The following PTPRG variants were observed in gnomAD, a reference collection of about 807,000 sequenced individuals.
The protein encoded by PTPRG is receptor-type tyrosine-protein phosphatase gamma.
In PTPRG, 102 loss-of-function variants were observed where a neutral mutation model predicts 165.3. The observed-to-expected ratio is 0.62, with a 90% CI of 0.53 to 0.73. PTPRG has a LOEUF of 0.73. PTPRG is among the 30% of genes least tolerant of loss of function. PTPRG has a pLI of 0.00. For missense variants in PTPRG, 1,866 were observed against 1,861.4 expected (o/e 1.00, Z -0.05); for synonymous variants, 675 against 669.5 (o/e 1.01, Z -0.13).
chr3:61,836,072 A>AAT lies in PTPRG; in HGVS notation c.190+87104_190+87105dup, dbSNP rs1553679116. On this transcript the variant is annotated intron_variant, in intron 2 of 29. Transcript: ENST00000474889. The stretch of plus-strand genomic sequence containing the variant: ...CGCGCCCCCCCCCACCAAAAAAAAA[A>AAT]ATATATATATATATACACACACACA... Among the ~76,000 whole-genome samples, 109 of 138,646 alleles carry AAT rather than the reference A, an allele frequency of 7.9e-4. 2 individuals are homozygous for AAT. In the East Asian group the frequency reaches 0.011, roughly 14 times the overall value. 91.0% of individuals were successfully genotyped at this position (138,646 alleles called of 152,430 possible).
intron 1 of PTPRG, among the ~76,000 whole-genome samples, chr3:61,688,084 A>C (rs1424358770): frequency 6.6e-6 from 1 of 152,282 alleles, no homozygotes; most frequent in African/African-American, 2.4e-5. Flanking sequence ...GGCTGACATC[A>C]CTTTCATGAC....
intron 1 of PTPRG, among the ~76,000 whole-genome samples, chr3:61,670,751 G>A (rs529232551): frequency 3.3e-5 from 5 of 152,266 alleles, no homozygotes; most frequent in South Asian, 4.2e-4. Context: ...TTCACAACAC[G>A]GGGAATTTGT....
intron 4 of PTPRG, among the ~76,000 whole-genome samples, chr3:62,014,761 T>C (rs1317360578): frequency 2.0e-5 from 3 of 152,216 alleles, no homozygotes; most frequent in African/African-American, 7.2e-5. Context: ...CATCATTCTT[T>C]GTGTCATTTA....
chr3:61,857,556 CGAT>C (rs1341059750), intron 2 of PTPRG, among the ~76,000 whole-genome samples: 1 of 152,052 alleles, frequency 6.6e-6, no homozygotes, highest in African/African-American at 2.4e-5. Flanking sequence ...GAGTGTGACT[CGAT>C]AATTATTTTA....
At position 62,195,412 on chromosome 3, in the gene PTPRG, C is replaced by G. The variant is rs1207428224; in HGVS notation, c.1327+242C>G. On this transcript the variant is annotated intron_variant, in intron 10 of 29. Transcript: ENST00000474889. This position sits in a 1 kb window ranked among gnomAD's most constrained non-coding sequence, Gnocchi z 4.4. The stretch of plus-strand genomic sequence containing the variant: ...TGATTGTTTTATTGTTATTTTCCAA[C>G]TGTGGGGAACCAAGTACTCGGGCCT... Among the ~76,000 whole-genome samples, 4 of 152,162 alleles carry G rather than the reference C, an allele frequency of 2.6e-5. No homozygotes were observed. Among genetic ancestry groups the G allele is most frequent in the Non-Finnish European group, 1.5e-5 (1 of 68,032 alleles).
At chr3:62,109,831 T>C (rs1358767394) in intron 5 of PTPRG, among the ~76,000 whole-genome samples, 1 of 152,184 alleles carries the variant, frequency 6.6e-6, no homozygotes, top group Non-Finnish European at 1.5e-5. Flanking sequence ...GGTAAATTTT[T>C]CCACAACCCA....
chr3:62,077,413 A>G (rs1701424289), intron 4 of PTPRG, among the ~76,000 whole-genome samples: 1 of 152,084 alleles, frequency 6.6e-6, no homozygotes, highest in African/African-American at 2.4e-5. Context: ...CTGAAGCACT[A>G]TTTTCTCATC....
chr3:62,260,052 A>G (rs561312019), intron 16 of PTPRG, among the ~76,000 whole-genome samples: 5 of 152,250 alleles, frequency 3.3e-5, no homozygotes, highest in South Asian at 2.1e-4. Context: ...TGAGCAGGAG[A>G]GAGTAGGGGC....
In PTPRG at chr3:62,245,292, A is replaced by G. The variant is rs537779333; in HGVS notation, c.2467+1394A>G. Among the ~76,000 whole-genome samples the G allele has an allele frequency of 2.4e-4, 37 of 152,320 alleles. No homozygotes were observed. Among genetic ancestry groups the G allele is most frequent in the African/African-American group, 8.7e-4 (36 of 41,572 alleles). ...TAGACAGGAATCATCAGTCTTCATCAGCATGAAATAAGTAGTTTCATTGAA... is the reference window on the plus strand; with the variant it reads ...TAGACAGGAATCATCAGTCTTCATCGGCATGAAATAAGTAGTTTCATTGAA... On this transcript the variant is annotated intron_variant, in intron 15 of 29. Transcript: ENST00000474889. This position sits in a 1 kb window ranked among gnomAD's most constrained non-coding sequence, Gnocchi z 4.2.
intron 2 of PTPRG, among the ~76,000 whole-genome samples, chr3:61,767,370 C>T (rs2034059204): frequency 6.6e-6 from 1 of 150,614 alleles, no homozygotes; most frequent in South Asian, 2.1e-4. Flanking sequence ...ATGATGATTT[C>T]CTTGTAGTAA....
intron 28 of PTPRG, among the ~76,000 whole-genome samples, chr3:62,284,821 T>C (rs528813664): frequency 1.3e-5 from 2 of 152,278 alleles, no homozygotes; most frequent in South Asian, 4.1e-4. Flanking sequence ...GTGCCATCGA[T>C]TCTTTCAGTA....
rs1247080695 is a variant in PTPRG at position 62,282,875 on chromosome 3, T to G, written c.4055+6T>G. The G allele has an allele frequency of 6.3e-7, 1 of 1,589,228 alleles. No individual in the cohort carries two copies. The highest frequency in any genetic ancestry group is 8.5e-7 in the Non-Finnish European group (1 of 1,169,908). Reference sequence around the variant, plus strand: ...CCCACCATTGTTCATGATGAGTATGTATCTGTTTCTTAATTTTAAAATGTA... The same window carrying G: ...CCCACCATTGTTCATGATGAGTATGGATCTGTTTCTTAATTTTAAAATGTA... On this transcript the variant is annotated splice_donor_region_variant and intron_variant, in intron 28 of 29. Coordinates refer to ENST00000474889, the MANE Select transcript of PTPRG (RefSeq NM_002841.4).
intron 5 of PTPRG, among the ~76,000 whole-genome samples, chr3:62,094,236 C>T (rs1025249278): frequency 1.3e-5 from 2 of 152,262 alleles, no homozygotes; most frequent in Non-Finnish European, 1.5e-5. Flanking sequence ...CTCCTACCCT[C>T]CTGGAAACTC....
At position 61,972,041 on chromosome 3, in the gene PTPRG, G is replaced by A. The variant is rs2040396699; in HGVS notation, c.191-17584G>A. Reference sequence around the variant, plus strand: ...TAGACAATATACGAAACAAATAAATGTGTACTGTATATTAGAAGGTGTGCG... The same window carrying A: ...TAGACAATATACGAAACAAATAAATATGTACTGTATATTAGAAGGTGTGCG... On this transcript the variant is annotated intron_variant, in intron 2 of 29. Coordinates refer to ENST00000474889, the MANE Select transcript of PTPRG (RefSeq NM_002841.4). Among the ~76,000 whole-genome samples, 3 of 152,220 alleles carry A rather than the reference G, an allele frequency of 2.0e-5. No individual in the cohort carries two copies. In the South Asian group the frequency reaches 6.2e-4, roughly 32 times the overall value.
intron 2 of PTPRG, among the ~76,000 whole-genome samples, chr3:61,826,489 C>T (rs1373078275): frequency 6.6e-6 from 1 of 151,736 alleles, no homozygotes; most frequent in Non-Finnish European, 1.5e-5. Flanking sequence ...CTTGGAGTCA[C>T]CCAGTCCTTT....
At chr3:62,257,773 A>G (rs1701573850) in intron 16 of PTPRG, among the ~76,000 whole-genome samples, 1 of 152,184 alleles carries the variant, frequency 6.6e-6, no homozygotes, top group Non-Finnish European at 1.5e-5. Context: ...TGGACAACAC[A>G]GCAAGACTCT....
intron 15 of PTPRG, among the ~76,000 whole-genome samples, chr3:62,244,624 C>T (rs1701249704): frequency 6.6e-6 from 1 of 152,200 alleles, no homozygotes; most frequent in African/African-American, 2.4e-5. Context: ...AGAAGCATCA[C>T]TTTGATTATA....
chr3:62,056,521 T>C (rs985968946), intron 4 of PTPRG, among the ~76,000 whole-genome samples: 3 of 152,192 alleles, frequency 2.0e-5, no homozygotes, highest in Non-Finnish European at 1.5e-5. Flanking sequence ...TGGACACCCC[T>C]GGTCTAAATA....
intron 2 of PTPRG, among the ~76,000 whole-genome samples, chr3:61,867,383 G>T (rs568211959): frequency 1.3e-5 from 2 of 152,164 alleles, no homozygotes; most frequent in East Asian, 3.9e-4. Context: ...ACTGGTTAGT[G>T]TAAGAGGCTA....
Sources: gnomAD v4.1 joint callset for allele counts (sites outside exome capture counted in the v4.1 genomes callset) on GRCh38, gnomAD v4.1.1 for gene constraint, Gnocchi (gnomAD v3.1) non-coding constraint, MANE v1.5 for transcripts, NCBI Gene and HGNC (gene_info 2026-07-23, HGNC 2026-07-21) for gene names.